The following ASTN2 variants were observed in gnomAD, a reference collection of about 807,000 sequenced individuals.
ASTN2 encodes astrotactin 2.
A neutral mutation model predicts 139.8 loss-of-function variants in ASTN2; 54 were observed. That is an observed-to-expected ratio of 0.39 (90% confidence interval 0.31 to 0.48). The LOEUF is 0.48. Ranked by LOEUF, ASTN2 falls within the 20% of genes least tolerant of loss-of-function variation. The pLI, the probability that ASTN2 is intolerant of heterozygous loss-of-function variation, is 0.95. For synonymous variants in ASTN2, 756 were observed against 719.5 expected, an observed-to-expected ratio of 1.05 and a Z score of -0.81; for missense variants, 1,565 against 1,725.1, an observed-to-expected ratio of 0.91 and a Z score of 1.64.
At chr9:117,212,459 G>T (rs1011421911) in intron 3 of ASTN2, among the ~76,000 whole-genome samples, 2 of 151,864 alleles carry the variant, frequency 1.3e-5, no homozygotes, top group African/African-American at 4.8e-5. Context: ...GGAAACAACA[G>T]AATGAAAACA....
intron 10 of ASTN2, among the ~76,000 whole-genome samples, chr9:116,907,837 A>G (rs1655020436): frequency 6.6e-6 from 1 of 152,244 alleles, no homozygotes; most frequent in East Asian, 1.9e-4. Context: ...GTGGGTCCGA[A>G]GCCTCCTGGG....
At chr9:116,474,636 C>T (rs2119025734) in intron 20 of ASTN2, among the ~76,000 whole-genome samples, 1 of 152,306 alleles carries the variant, frequency 6.6e-6, no homozygotes, top group Middle Eastern at 3.4e-3. Context: ...GATGGACCCA[C>T]AGCCAAGATA....
chr9:116,472,603 G>T (rs193029306), intron 20 of ASTN2, among the ~76,000 whole-genome samples: 87 of 152,202 alleles, frequency 5.7e-4, no homozygotes, highest in African/African-American at 2.0e-3. Context: ...TAGATAGCTT[G>T]TGTTAGAATC....
At chr9:116,757,047 T>C (rs368850102) in intron 13 of ASTN2, among the ~76,000 whole-genome samples, 50 of 152,292 alleles carry the variant, frequency 3.3e-4, no homozygotes, top group African/African-American at 1.1e-3. Flanking sequence ...GGAAAAGTGT[T>C]TCCTGTCCAC....
At chr9:116,768,484 C>T (rs1185537400) in intron 13 of ASTN2, among the ~76,000 whole-genome samples, 1 of 152,158 alleles carries the variant, frequency 6.6e-6, no homozygotes, top group African/African-American at 2.4e-5. Context: ...TTTCTTGTCT[C>T]CATTTCCAAA....
At chr9:116,884,813 C>CCA (rs1053750951) in intron 10 of ASTN2, among the ~76,000 whole-genome samples, 4 of 123,890 alleles carry the variant, frequency 3.2e-5, no homozygotes, top group Admixed American at 8.0e-5. Context: ...GCCCCCCCCC[C>CCA]ACCCACTTTT....
At chr9:116,751,412 C>G (rs1829398977) in intron 13 of ASTN2, among the ~76,000 whole-genome samples, 1 of 152,160 alleles carries the variant, frequency 6.6e-6, no homozygotes, top group Non-Finnish European at 1.5e-5. Context: ...TACTAAGTTT[C>G]AGTCTCCTGA....
intron 2 of ASTN2, among the ~76,000 whole-genome samples, chr9:117,265,207 A>C (rs927612375): frequency 6.6e-6 from 1 of 152,206 alleles, no homozygotes; most frequent in South Asian, 2.1e-4. Flanking sequence ...GTTAGGAAAC[A>C]AGGCAGGGAA....
At chr9:117,119,990 A>ATGTGTGTGTGTGTGTGTGTG (rs752111718) in intron 4 of ASTN2, among the ~76,000 whole-genome samples, 14 of 73,220 alleles carry the variant, frequency 1.9e-4, no homozygotes, top group South Asian at 5.3e-4. Context: ...ATATATTTGT[A>ATGTGTGTGTGTGTGTGTGTG]TGTGTGTGTG....
intron 10 of ASTN2, among the ~76,000 whole-genome samples, chr9:116,951,735 T>C (rs918683832): frequency 6.6e-6 from 1 of 152,228 alleles, no homozygotes; most frequent in Admixed American, 6.5e-5. Flanking sequence ...AAGTTATCTA[T>C]GATCTCACTT....
At chr9:116,646,939 C>T (rs752488099) in intron 17 of ASTN2, among the ~76,000 whole-genome samples, 4 of 152,200 alleles carry the variant, frequency 2.6e-5, no homozygotes, top group Non-Finnish European at 4.4e-5. Context: ...GCTCCAGCCA[C>T]ACTGGTTTTC....
chr9:116,960,018 C>A (rs1214526987), intron 10 of ASTN2, among the ~76,000 whole-genome samples: 1 of 152,046 alleles, frequency 6.6e-6, no homozygotes, highest in Non-Finnish European at 1.5e-5. Flanking sequence ...TGCACAGAGC[C>A]GCTGTGATTT....
chr9:116,769,176 A>G (rs1000470111), intron 13 of ASTN2, among the ~76,000 whole-genome samples: 3 of 152,246 alleles, frequency 2.0e-5, no homozygotes, highest in Non-Finnish European at 4.4e-5. Flanking sequence ...GAGGCAAAAG[A>G]AAACCAGAAG....
chr9:116,501,436 G>A (rs1194182356), intron 19 of ASTN2, among the ~76,000 whole-genome samples: 1 of 152,136 alleles, frequency 6.6e-6, no homozygotes, highest in African/African-American at 2.4e-5. Context: ...ACGTGTGCAT[G>A]TGTCTTTATA....
chr9:116,713,192 C>T (rs1165532729), intron 16 of ASTN2, among the ~76,000 whole-genome samples: 1 of 152,218 alleles, frequency 6.6e-6, no homozygotes, highest in African/African-American at 2.4e-5. Context: ...AATTAAGGAT[C>T]TTTCTAGTTG....
intron 8 of ASTN2, 132 bp downstream of exon 8, chr9:116,976,569 G>A: frequency 1.4e-6 from 1 of 701,600 alleles, no homozygotes; most frequent in East Asian, 2.6e-5. Flanking sequence ...CTTCCCATTG[G>A]GTTTTGCAGG....
At chr9:116,508,992 T>C (rs961988181) in intron 19 of ASTN2, among the ~76,000 whole-genome samples, 1 of 152,094 alleles carries the variant, frequency 6.6e-6, no homozygotes, top group Non-Finnish European at 1.5e-5. Context: ...CTCTCTTTTA[T>C]CTCTGAATTT....
intron 11 of ASTN2, among the ~76,000 whole-genome samples, chr9:116,851,293 T>C (rs1405506277): frequency 1.3e-5 from 2 of 152,142 alleles, no homozygotes; most frequent in Non-Finnish European, 2.9e-5. Context: ...AGGACAGGGT[T>C]ACAATTGGAA....
intron 5 of ASTN2, among the ~76,000 whole-genome samples, chr9:117,040,847 G>T (rs902153446): frequency 3.3e-5 from 5 of 152,172 alleles, no homozygotes; most frequent in Non-Finnish European, 7.3e-5. Context: ...CTGTCATTTA[G>T]AAGAGTTTCA....
Sources: allele counts gnomAD v4.1 joint callset (sites outside exome capture counted in the v4.1 genomes callset), GRCh38; gene constraint gnomAD v4.1.1; transcripts MANE v1.5; gene names NCBI Gene and HGNC (gene_info 2026-07-23, HGNC 2026-07-21).